Variants in ERBB4 observed in about 807,000 individuals in gnomAD.
ERBB4 encodes the protein erb-b2 receptor tyrosine kinase 4, also known as receptor tyrosine-protein kinase erbB-4.
A neutral mutation model predicts 158.0 loss-of-function variants in ERBB4; 42 were observed. The ratio of observed to expected loss-of-function variants is 0.27; its 90% confidence interval spans 0.21 to 0.34. The LOEUF (loss-of-function observed/expected upper bound fraction) is 0.34, where lower values mean the gene tolerates loss of function less well. ERBB4 is among the 10% of genes least tolerant of loss of function. The pLI is 1.00. For missense variants in ERBB4, 1,333 were observed against 1,624.1 expected, an observed-to-expected ratio of 0.82 and a Z score of 3.08; for synonymous variants, 583 against 558.7, an observed-to-expected ratio of 1.04 and a Z score of -0.61.
intron 1 of ERBB4, among the ~76,000 whole-genome samples, chr2:212,373,987 CATATATATCCATAT>C (rs1361833339): frequency 8.4e-5 from 9 of 107,322 alleles, no homozygotes; most frequent in Admixed American, 7.1e-4. Flanking sequence ...TATATATATC[CATATATATCCATAT>C]ATATATATCC....
intron 2 of ERBB4, among the ~76,000 whole-genome samples, chr2:211,978,071 T>C (rs1031723724): frequency 4.6e-5 from 7 of 151,160 alleles, no homozygotes; most frequent in African/African-American, 1.7e-4. Context: ...TTAATAATTC[T>C]AAATTGAGAA....
intron 16 of ERBB4, among the ~76,000 whole-genome samples, chr2:211,640,887 T>C (rs2070555577): frequency 1.3e-5 from 2 of 152,078 alleles, no homozygotes; most frequent in Non-Finnish European, 1.5e-5. Flanking sequence ...CAAAAGTGAC[T>C]AGACTCCCAT....
chr2:212,350,528 A>G (rs921595800), intron 1 of ERBB4, among the ~76,000 whole-genome samples: 5 of 152,180 alleles, frequency 3.3e-5, no homozygotes, highest in Admixed American at 1.3e-4. Context: ...TAAAAGAGAT[A>G]TTGAATGGCT....
In ERBB4 at chr2:212,323,685, T is replaced by C. The variant is rs912501082; in HGVS notation, c.83-198782A>G. 1.1e-4 allele frequency among the ~76,000 whole-genome samples: 17 copies of C among 150,684 alleles called. 3 individuals carry two copies. The highest frequency in any genetic ancestry group is 2.4e-4 in the Non-Finnish European group (16 of 67,228). On this transcript the variant is annotated intron_variant, in intron 1 of 27. Transcript: ENST00000342788. ...ACACAAAGTAAACAAAGTATAAAAG[T>C]GCTTCAAGAGATTATTATGATTATT...
At chr2:212,095,495 G>A (rs2078901390) in intron 2 of ERBB4, among the ~76,000 whole-genome samples, 1 of 152,158 alleles carries the variant, frequency 6.6e-6, no homozygotes. Context: ...AAGTGTGAGA[G>A]TTTAAAAAAG....
intron 1 of ERBB4, among the ~76,000 whole-genome samples, chr2:212,492,323 G>A (rs535555229): frequency 9.3e-5 from 14 of 151,334 alleles, no homozygotes; most frequent in African/African-American, 2.9e-4. Flanking sequence ...AGTGCTTAAT[G>A]ACCAAAATTA....
chr2:211,992,534 TGAGAGACAGTGAGAGA>T (rs368517644), intron 2 of ERBB4, among the ~76,000 whole-genome samples: 103 of 121,996 alleles, frequency 8.4e-4, no homozygotes, highest in African/African-American at 2.5e-3. Flanking sequence ...GAGAGGGAGA[TGAGAGACAGTGAGAGA>T]GAGAGAGAGA....
intron 14 of ERBB4, among the ~76,000 whole-genome samples, chr2:211,671,307 A>G (rs184194348): frequency 4.6e-5 from 7 of 152,270 alleles, no homozygotes; most frequent in Admixed American, 2.0e-4. Context: ...AAACCTAACA[A>G]TATGTATACT....
chr2:212,060,534 A>G (rs943944644), intron 2 of ERBB4, among the ~76,000 whole-genome samples: 2 of 146,672 alleles, frequency 1.4e-5, no homozygotes, highest in African/African-American at 4.9e-5. Context: ...GGCACTATTC[A>G]CAATAGCAAA....
intron 20 of ERBB4, among the ~76,000 whole-genome samples, chr2:211,474,698 A>T (rs1437947402): frequency 6.6e-6 from 1 of 152,096 alleles, no homozygotes; most frequent in African/African-American, 2.4e-5. Flanking sequence ...TTGTAATATA[A>T]TCGAACAGAT....
At chr2:212,232,868 A>C (rs1425543518) in intron 1 of ERBB4, among the ~76,000 whole-genome samples, 2 of 152,180 alleles carry the variant, frequency 1.3e-5, no homozygotes, top group Non-Finnish European at 2.9e-5. Context: ...AGATCCCTGA[A>C]GTATCATTTG....
chr2:211,520,021 T>C (rs1406289536), intron 20 of ERBB4, among the ~76,000 whole-genome samples: 5 of 152,196 alleles, frequency 3.3e-5, no homozygotes, highest in Non-Finnish European at 7.3e-5. Flanking sequence ...TTTAATATAC[T>C]GCTATTGCAG....
At chr2:211,912,162 T>C (rs1274375392) in intron 3 of ERBB4, among the ~76,000 whole-genome samples, 3 of 152,172 alleles carry the variant, frequency 2.0e-5, no homozygotes, top group Non-Finnish European at 4.4e-5. Context: ...ATCTACATTT[T>C]ACACAAGATA....
At chr2:212,336,962 T>C (rs1269520060) in intron 1 of ERBB4, among the ~76,000 whole-genome samples, 1 of 152,110 alleles carries the variant, frequency 6.6e-6, no homozygotes, top group Non-Finnish European at 1.5e-5. Context: ...TGTTGGTCTA[T>C]GGATCTCATT....
chr2:212,327,576 C>A (rs568808920), intron 1 of ERBB4, among the ~76,000 whole-genome samples: 1 of 151,886 alleles, frequency 6.6e-6, no homozygotes, highest in Non-Finnish European at 1.5e-5. Flanking sequence ...AAAACCAAAC[C>A]AAAGTTACGT....
chr2:212,323,253 T>A (rs1403225612), intron 1 of ERBB4, among the ~76,000 whole-genome samples: 1 of 150,664 alleles, frequency 6.6e-6, no homozygotes, highest in African/African-American at 2.4e-5. Flanking sequence ...CATTTAATAA[T>A]TTTTAATCAG....
intron 1 of ERBB4, among the ~76,000 whole-genome samples, chr2:212,325,504 A>G (rs887556796): frequency 4.6e-5 from 7 of 150,770 alleles, no homozygotes; most frequent in African/African-American, 1.7e-4. Flanking sequence ...GAAATGCTTT[A>G]AATCTGAAAC....
intron 20 of ERBB4, among the ~76,000 whole-genome samples, chr2:211,501,113 TA>T (rs5838271): frequency 0.4 from 60,234 of 151,500 alleles, 12,640 homozygotes; most frequent in African/African-American, 0.53. Context: ...AAGTATCTAC[TA>T]AAAAAGGTAA....
At chr2:211,993,435 T>A (rs1294174683) in intron 2 of ERBB4, among the ~76,000 whole-genome samples, 1 of 152,164 alleles carries the variant, frequency 6.6e-6, no homozygotes, top group Non-Finnish European at 1.5e-5. Context: ...TTCTGCTGTT[T>A]AAGCCACTCA....
Sources: gnomAD v4.1 joint callset for allele counts (sites outside exome capture counted in the v4.1 genomes callset) on GRCh38, gnomAD v4.1.1 for gene constraint, MANE v1.5 for transcripts, NCBI Gene and HGNC (gene_info 2026-07-23, HGNC 2026-07-21) for gene names.